The following ZC3H12B variants were observed in gnomAD, a reference collection of about 807,000 sequenced individuals.
The protein encoded by ZC3H12B is zinc finger CCCH-type containing 12B.
A neutral mutation model predicts 43.9 loss-of-function variants in ZC3H12B; 7 were observed. The ratio of observed to expected loss-of-function variants is 0.16; its 90% CI spans 0.09 to 0.30. The LOEUF (loss-of-function observed/expected upper bound fraction) is 0.30. ZC3H12B is among the 10% of genes least tolerant of loss of function. The pLI is 1.00. For synonymous variants in ZC3H12B, 222 were observed against 241.7 expected (o/e 0.92, Z 0.76); for missense variants, 475 against 670.2 (o/e 0.71, Z 3.22).
the ZC3H12B span, among the ~76,000 whole-genome samples, chrX:65,232,006 C>T: frequency 3.6e-4 from 40 of 109,672 alleles, no homozygotes; most frequent in South Asian, 3.2e-3. Context: ...GAGGCTGAGG[C>T]GGGCAGAACA....
the ZC3H12B span, among the ~76,000 whole-genome samples, chrX:65,082,693 G>A: frequency 9.0e-6 from 1 of 111,077 alleles, no homozygotes; most frequent in African/African-American, 3.3e-5. Context: ...TTTAAAGAAC[G>A]AAAAGCAATC....
At chrX:65,444,652 T>G (rs913570545) in intron 3 of ZC3H12B, among the ~76,000 whole-genome samples, 1 of 111,908 alleles carries the variant, frequency 8.9e-6, no homozygotes, top group Non-Finnish European at 1.9e-5. Flanking sequence ...GAGTGGGGTG[T>G]TACTGAAAAG....
At chrX:65,460,793 G>T (rs892977021) in intron 3 of ZC3H12B, among the ~76,000 whole-genome samples, 48 of 111,447 alleles carry the variant, frequency 4.3e-4, no homozygotes, top group South Asian at 2.2e-3. Context: ...CAGGACATAG[G>T]CATGGGCAAG....
At chrX:65,181,109 A>G in the ZC3H12B span, among the ~76,000 whole-genome samples, 1 of 111,520 alleles carries the variant, frequency 9.0e-6, no homozygotes, top group African/African-American at 3.3e-5. Flanking sequence ...CACATCTACA[A>G]TGATTTGGTC....
the ZC3H12B span, among the ~76,000 whole-genome samples, chrX:65,139,897 T>C: frequency 1.8e-5 from 2 of 111,513 alleles, no homozygotes; most frequent in Admixed American, 9.6e-5. Flanking sequence ...AGTTTGTTGT[T>C]AGTATATAGG....
intron 3 of ZC3H12B, among the ~76,000 whole-genome samples, chrX:65,441,427 G>T (rs1271981260): frequency 9.0e-6 from 1 of 111,729 alleles, no homozygotes; most frequent in Non-Finnish European, 1.9e-5. Flanking sequence ...TATTTCACAG[G>T]TAGGATGTTT....
chrX:65,256,958 T>A, the ZC3H12B span, among the ~76,000 whole-genome samples: 1 of 112,064 alleles, frequency 8.9e-6, no homozygotes, highest in African/African-American at 3.3e-5. Flanking sequence ...AAACAGCAGG[T>A]GCTGGAGAGG....
At chrX:65,116,815 G>T in the ZC3H12B span, among the ~76,000 whole-genome samples, 2 of 110,760 alleles carry the variant, frequency 1.8e-5, no homozygotes, top group Admixed American at 9.6e-5. Flanking sequence ...TGCAGTGTTT[G>T]GTTTTCTGTT....
the ZC3H12B span, among the ~76,000 whole-genome samples, chrX:65,351,997 A>G: frequency 4.4e-5 from 5 of 112,396 alleles, 1 homozygote; most frequent in Admixed American, 9.4e-5. Context: ...AAATTATTCT[A>G]CTATAAAGAC....
chrX:65,154,381 C>A, the ZC3H12B span, among the ~76,000 whole-genome samples: 1 of 111,658 alleles, frequency 9.0e-6, no homozygotes, highest in Non-Finnish European at 1.9e-5. Flanking sequence ...TTCTGTTTTG[C>A]ACTGAGATTG....
chrX:65,218,886 A>G, the ZC3H12B span, among the ~76,000 whole-genome samples: 1 of 112,160 alleles, frequency 8.9e-6, no homozygotes, highest in African/African-American at 3.2e-5. Context: ...GCACTTAACA[A>G]AAAATGAAAC....
At chrX:65,161,981 G>C in the ZC3H12B span, among the ~76,000 whole-genome samples, 1 of 111,570 alleles carries the variant, frequency 9.0e-6, no homozygotes, top group African/African-American at 3.3e-5. Context: ...AAATCTCTCA[G>C]CATTTACTTG....
At chrX:65,435,232 G>A (rs778465380) in intron 3 of ZC3H12B, among the ~76,000 whole-genome samples, 11 of 111,844 alleles carry the variant, frequency 9.8e-5, no homozygotes, top group Admixed American at 1.9e-4. Flanking sequence ...TATTTATACA[G>A]TGCTTGAGCT....
chrX:65,219,362 A>T, the ZC3H12B span, among the ~76,000 whole-genome samples: 1 of 112,205 alleles, frequency 8.9e-6, no homozygotes, highest in Non-Finnish European at 1.9e-5. Context: ...TAAGCTAATC[A>T]AAGAGGCACC....
intron 2 of ZC3H12B, among the ~76,000 whole-genome samples, chrX:65,386,057 T>C (rs745449289): frequency 4.4e-5 from 5 of 112,406 alleles, no homozygotes; most frequent in Non-Finnish European, 9.4e-5. Flanking sequence ...CAGTATTTTA[T>C]TGAAGATTTG....
intron 2 of ZC3H12B, among the ~76,000 whole-genome samples, chrX:65,391,587 G>A (rs1288327919): frequency 8.9e-6 from 1 of 111,759 alleles, no homozygotes; most frequent in South Asian, 3.7e-4. Context: ...TTGTTTGCTG[G>A]TCCCTTGGGC....
At chrX:65,266,694 G>A in the ZC3H12B span, among the ~76,000 whole-genome samples, 1 of 111,226 alleles carries the variant, frequency 9.0e-6, no homozygotes, top group Non-Finnish European at 1.9e-5. Flanking sequence ...ACTGCCAGAG[G>A]GAGCACAACA....
the ZC3H12B span, among the ~76,000 whole-genome samples, chrX:65,221,866 A>G: frequency 2.7e-5 from 3 of 110,849 alleles, no homozygotes; most frequent in East Asian, 8.5e-4. Context: ...TCACCCTGAT[A>G]CCAAAACCAG....
the ZC3H12B span, among the ~76,000 whole-genome samples, chrX:65,346,659 A>G: frequency 8.9e-6 from 1 of 112,412 alleles, no homozygotes; most frequent in Non-Finnish European, 1.9e-5. Context: ...AGACAGCAAA[A>G]TAAACTATCA....
Sources: gnomAD v4.1 joint callset for allele counts (sites outside exome capture counted in the v4.1 genomes callset) on GRCh38, gnomAD v4.1.1 for gene constraint, MANE v1.5 for transcripts, NCBI Gene and HGNC (gene_info 2026-07-23, HGNC 2026-07-21) for gene names.